Variants in PDGFD observed in about 807,000 individuals in gnomAD.
PDGFD encodes platelet-derived growth factor D.
Under a neutral mutation model 44.7 loss-of-function variants are expected in PDGFD, and 30 were observed. The ratio of observed to expected loss-of-function variants is 0.67; its 90% CI spans 0.50 to 0.91. PDGFD has a LOEUF of 0.91. Among genes scored for constraint, PDGFD ranks in the 40% least tolerant of loss-of-function variants. The probability of loss-of-function intolerance (pLI) is 0.00; values close to 1 mark genes in which losing one functional copy is unlikely to be tolerated. For synonymous variants in PDGFD, 173 were observed against 168.4 expected (o/e 1.03, Z -0.21); for missense variants, 445 against 457.8 (o/e 0.97, Z 0.25).
At chr11:104,031,869 T>C (rs926346916) in intron 1 of PDGFD, among the ~76,000 whole-genome samples, 1 of 152,280 alleles carries the variant, frequency 6.6e-6, no homozygotes, top group Non-Finnish European at 1.5e-5. Flanking sequence ...TGGAAGCCAT[T>C]ATCCTCAGCA....
chr11:104,043,181 C>T (rs1403822244), intron 1 of PDGFD, among the ~76,000 whole-genome samples: 1 of 152,070 alleles, frequency 6.6e-6, no homozygotes, highest in East Asian at 1.9e-4. Flanking sequence ...GGGAATGGTT[C>T]CTGCTCCCCA....
At chr11:104,018,980 C>A (rs1219299711) in intron 1 of PDGFD, among the ~76,000 whole-genome samples, 1 of 152,136 alleles carries the variant, frequency 6.6e-6, no homozygotes, top group Non-Finnish European at 1.5e-5. Flanking sequence ...CACTTCCCTG[C>A]CTTGGGACCT....
intron 3 of PDGFD, among the ~76,000 whole-genome samples, chr11:103,988,632 C>T (rs1337981582): frequency 5.9e-5 from 9 of 152,130 alleles, no homozygotes; most frequent in East Asian, 1.9e-4. Context: ...TGCAACTTTA[C>T]GCACAACTTC....
chr11:104,098,826 G>T (rs1040257866), intron 1 of PDGFD, among the ~76,000 whole-genome samples: 1 of 151,810 alleles, frequency 6.6e-6, no homozygotes, highest in South Asian at 2.1e-4. Flanking sequence ...ATTTGTATTC[G>T]CTAAATACAA....
intron 3 of PDGFD, among the ~76,000 whole-genome samples, chr11:103,985,146 TATTA>T (rs1202687893): frequency 2.8e-5 from 4 of 142,052 alleles, no homozygotes; most frequent in Non-Finnish European, 4.5e-5. Flanking sequence ...ATATATAATA[TATTA>T]ATTTATTTAA....
At chr11:104,119,660 AT>A (rs140790199) in intron 1 of PDGFD, among the ~76,000 whole-genome samples, 89,210 of 91,508 alleles carry the variant, frequency 0.97, 43,552 homozygotes, top group Middle Eastern at 1. Context: ...GATATATATA[AT>A]TATATATCGA....
chr11:104,021,066 T>A (rs1859943199), intron 1 of PDGFD, among the ~76,000 whole-genome samples: 1 of 152,188 alleles, frequency 6.6e-6, no homozygotes, highest in African/African-American at 2.4e-5. Flanking sequence ...CCTGGGGTCA[T>A]AATTAATCTA....
intron 1 of PDGFD, among the ~76,000 whole-genome samples, chr11:104,091,156 T>A (rs553750615): frequency 4.5e-4 from 68 of 152,326 alleles, no homozygotes; most frequent in Non-Finnish European, 8.1e-4. Context: ...GCTAAAACCA[T>A]GCTTGCTTAC....
At chr11:103,932,621 C>T (rs1171088025) in intron 5 of PDGFD, among the ~76,000 whole-genome samples, 1 of 152,196 alleles carries the variant, frequency 6.6e-6, no homozygotes, top group Non-Finnish European at 1.5e-5. Flanking sequence ...GGACCAAATG[C>T]AGCTCATTCA....
At chr11:104,054,763 T>C (rs1860595809) in intron 1 of PDGFD, among the ~76,000 whole-genome samples, 1 of 152,126 alleles carries the variant, frequency 6.6e-6, no homozygotes, top group South Asian at 2.1e-4. Context: ...TGAGAGATAC[T>C]TAAGCAAGTT....
chr11:103,977,892 C>T (rs573012225), intron 3 of PDGFD, among the ~76,000 whole-genome samples: 2 of 151,980 alleles, frequency 1.3e-5, no homozygotes, highest in African/African-American at 4.8e-5. Context: ...TGTTGTCATA[C>T]AAACTGAAAT....
intron 3 of PDGFD, among the ~76,000 whole-genome samples, chr11:103,994,528 C>T (rs527267277): frequency 6.6e-6 from 1 of 152,212 alleles, no homozygotes; most frequent in Non-Finnish European, 1.5e-5. Context: ...ATGTAGAATT[C>T]ACTTAGTGTT....
intron 1 of PDGFD, among the ~76,000 whole-genome samples, chr11:104,057,670 CTAAAA>C (rs1015681054): frequency 1.3e-5 from 2 of 151,928 alleles, no homozygotes; most frequent in African/African-American, 4.8e-5. Flanking sequence ...CCCCCTGAAT[CTAAAA>C]TAAAAGTTGA....
chr11:104,001,763 A>G (rs1026673601), intron 1 of PDGFD, among the ~76,000 whole-genome samples: 2 of 152,148 alleles, frequency 1.3e-5, no homozygotes, highest in Non-Finnish European at 2.9e-5. Flanking sequence ...TACTTTGAGG[A>G]CTATAATTCA....
At chr11:103,946,239 C>G (rs574568560) in intron 4 of PDGFD, among the ~76,000 whole-genome samples, 1 of 152,316 alleles carries the variant, frequency 6.6e-6, no homozygotes, top group Admixed American at 6.5e-5. Context: ...CCAATGACCC[C>G]TGCTCCTGCT....
chr11:103,935,220 T>C (rs1360570937), intron 5 of PDGFD, among the ~76,000 whole-genome samples: 4 of 152,114 alleles, frequency 2.6e-5, no homozygotes, highest in African/African-American at 2.4e-5. Context: ...GGTTAGGATA[T>C]CCACAAAGAC....
intron 3 of PDGFD, 26 bp from the exon 4 acceptor site, chr11:103,947,750 G>A: frequency 6.3e-7 from 1 of 1,583,518 alleles, no homozygotes; most frequent in South Asian, 1.1e-5. Context: ...ACATCTGTGA[G>A]TCAGTCAAAC....
chr11:104,108,661 G>A (rs1861503567), intron 1 of PDGFD, among the ~76,000 whole-genome samples: 1 of 152,102 alleles, frequency 6.6e-6, no homozygotes, highest in Admixed American at 6.6e-5. Flanking sequence ...CAAGGATCTA[G>A]AACTAGAAAT....
chr11:104,147,911 T>G (rs1019564128), intron 1 of PDGFD, among the ~76,000 whole-genome samples: 1 of 152,160 alleles, frequency 6.6e-6, no homozygotes. Flanking sequence ...TAAAAAATGG[T>G]GAAGTGATAA....
Sources: gnomAD v4.1 joint callset for allele counts (sites outside exome capture counted in the v4.1 genomes callset) on GRCh38, gnomAD v4.1.1 for gene constraint, MANE v1.5 for transcripts, NCBI Gene and HGNC (gene_info 2026-07-23, HGNC 2026-07-21) for gene names.